Variants in CCNJL observed in about 807,000 individuals in gnomAD.
CCNJL encodes the protein cyclin-J-like protein.
In CCNJL, 33 loss-of-function variants were observed where a neutral mutation model predicts 33.4. That is an observed-to-expected ratio of 0.99 (90% CI 0.75 to 1.32). CCNJL has a LOEUF of 1.32. Among genes scored for constraint, CCNJL ranks in the 40% most tolerant of loss-of-function variants. CCNJL has a pLI of 0.00. For missense variants in CCNJL, 512 were observed against 499.7 expected (o/e 1.02, Z -0.23); for synonymous variants, 227 against 220.9 (o/e 1.03, Z -0.24).
At chr5:160,285,063 T>C (rs923431031) in intron 2 of CCNJL, among the ~76,000 whole-genome samples, 33 of 152,184 alleles carry the variant, frequency 2.2e-4, no homozygotes, top group Admixed American at 2.1e-3. Flanking sequence ...GGTGGCACGC[T>C]TCTGTAATCC....
chr5:160,255,778 T>G, intron 4 of CCNJL, 70 bp from the exon 5 acceptor site: 1 of 1,361,130 alleles, frequency 7.3e-7, no homozygotes, highest in Non-Finnish European at 1.0e-6. Context: ...ACCCTGAGAA[T>G]GGATGGACAA....
rs529127375 is a variant in CCNJL at position 160,249,257 on chromosome 5, T to A, written c.*4121A>T. On this transcript the variant is annotated 3_prime_UTR_variant, in exon 6 of 6. Transcript: ENST00000257536. ...GTTGTGGAATAGGTCTGTTTCTATA[T>A]GCACATGTAACCCAAATGTCAAATA... The A allele has an allele frequency of 1.3e-5, 2 of 152,288 alleles. No homozygotes were observed. The highest frequency in any genetic ancestry group is 1.9e-4 in the East Asian group (1 of 5,188). 9.4% of individuals were successfully genotyped at this position (152,288 alleles called of 1,614,324 possible).
At chr5:160,287,004 A>G (rs1427815166) in intron 2 of CCNJL, among the ~76,000 whole-genome samples, 1 of 151,956 alleles carries the variant, frequency 6.6e-6, no homozygotes, top group Non-Finnish European at 1.5e-5. Flanking sequence ...ATACAGAGTC[A>G]CTCCCTGTAC....
chr5:160,277,433 T>C (rs536176415), intron 3 of CCNJL, among the ~76,000 whole-genome samples: 14 of 152,240 alleles, frequency 9.2e-5, no homozygotes, highest in African/African-American at 2.2e-4. Flanking sequence ...CAAAAAGACA[T>C]TGCAGGAGGG....
At chr5:160,326,481 G>A (rs920018042) in intron 1 of CCNJL, among the ~76,000 whole-genome samples, 1 of 80,552 alleles carries the variant, frequency 1.2e-5, no homozygotes, top group African/African-American at 6.0e-5. Context: ...GCTAGACTCT[G>A]TCTCCAAAAA....
At chr5:160,285,543 AC>A (rs1378149731) in intron 2 of CCNJL, among the ~76,000 whole-genome samples, 1 of 152,234 alleles carries the variant, frequency 6.6e-6, no homozygotes, top group Non-Finnish European at 1.5e-5. Flanking sequence ...GGAAGTCGTG[AC>A]CAACTCTACA....
chr5:160,279,979 T>C (rs1243911280), intron 3 of CCNJL, among the ~76,000 whole-genome samples: 1 of 152,224 alleles, frequency 6.6e-6, no homozygotes, highest in Non-Finnish European at 1.5e-5. Flanking sequence ...TGAGGCCTGT[T>C]TGGAAGGTGC....
intron 1 of CCNJL, 26 bp downstream of exon 1, chr5:160,312,338 T>G: frequency 5.0e-6 from 1 of 201,620 alleles, no homozygotes; most frequent in Non-Finnish European, 1.0e-5. Context: ...TCCCACATCC[T>G]GCCCTCGAGC....
intron 1 of CCNJL, among the ~76,000 whole-genome samples, chr5:160,333,462 G>A (rs1763636083): frequency 6.6e-6 from 1 of 151,856 alleles, no homozygotes; most frequent in African/African-American, 2.4e-5. Context: ...ATGGCAGTGT[G>A]CACCTGTAGT....
intron 3 of CCNJL, among the ~76,000 whole-genome samples, chr5:160,272,955 C>T (rs1761889243): frequency 6.6e-6 from 1 of 152,194 alleles, no homozygotes; most frequent in Admixed American, 6.5e-5. Context: ...GAAATCATTA[C>T]ATAAATGACA....
chr5:160,254,414 G>A, intron 5 of CCNJL: 2 of 595,678 alleles, frequency 3.4e-6, no homozygotes, highest in Non-Finnish European at 3.0e-6. Context: ...AGAGGCTTAT[G>A]TAAGGCATGC....
chr5:160,277,398 C>T (rs1040183321), intron 3 of CCNJL, among the ~76,000 whole-genome samples: 5 of 152,106 alleles, frequency 3.3e-5, no homozygotes, highest in Admixed American at 6.6e-5. Context: ...GTCAAATTAT[C>T]CTTTTAATTA....
intron 3 of CCNJL, among the ~76,000 whole-genome samples, chr5:160,265,533 G>A (rs1285499080): frequency 6.6e-6 from 1 of 152,070 alleles, no homozygotes; most frequent in Admixed American, 6.5e-5. Flanking sequence ...AGCTACTCAG[G>A]AGGCTAAGGC....
chr5:160,279,864 T>A (rs147217103), intron 3 of CCNJL, among the ~76,000 whole-genome samples: 2 of 152,176 alleles, frequency 1.3e-5, no homozygotes, highest in African/African-American at 4.8e-5. Context: ...AAGGGTGGCA[T>A]GGCAGAACTG....
At chr5:160,277,850 A>G (rs1762070463) in intron 3 of CCNJL, among the ~76,000 whole-genome samples, 1 of 151,276 alleles carries the variant, frequency 6.6e-6, no homozygotes, top group Non-Finnish European at 1.5e-5. Context: ...GGTTCAAGCA[A>G]TTCTCCTGCC....
At chr5:160,262,142 C>G (rs1236091997) in intron 3 of CCNJL, among the ~76,000 whole-genome samples, 2 of 152,176 alleles carry the variant, frequency 1.3e-5, no homozygotes, top group Non-Finnish European at 2.9e-5. Context: ...ATGCACTCAG[C>G]AGAAACGAGC....
At chr5:160,281,990 A>G (rs756687185) in intron 2 of CCNJL, among the ~76,000 whole-genome samples, 18 of 152,224 alleles carry the variant, frequency 1.2e-4, no homozygotes, top group African/African-American at 2.4e-4. Context: ...TCTTTGCAAC[A>G]TTTTGCCAAA....
At chr5:160,292,201 CCAGCTTCTCATACCTTCCCG>C (rs1418647441) in intron 2 of CCNJL, among the ~76,000 whole-genome samples, 1 of 152,196 alleles carries the variant, frequency 6.6e-6, no homozygotes, top group African/African-American at 2.4e-5. Context: ...TTTAGCTCCT[CCAGCTTCTCATACCTTCCCG>C]CAAGTCTTCA....
chr5:160,278,315 A>T (rs1365072230), intron 3 of CCNJL, among the ~76,000 whole-genome samples: 2 of 152,062 alleles, frequency 1.3e-5, no homozygotes, highest in East Asian at 3.9e-4. Context: ...GTCTATCTGG[A>T]AGCAGATTTA....
Sources: allele counts gnomAD v4.1 joint callset (sites outside exome capture counted in the v4.1 genomes callset), GRCh38; gene constraint gnomAD v4.1.1; transcripts MANE v1.5; gene names NCBI Gene and HGNC (gene_info 2026-07-23, HGNC 2026-07-21).